SPMAP2L: variants seen among roughly 807,000 people sequenced by gnomAD.
SPMAP2L encodes sperm microtubule associated protein 2 like.
the SPMAP2L span, among the ~76,000 whole-genome samples, chr4:56,535,497 C>CT: frequency 2.6e-5 from 4 of 152,146 alleles, no homozygotes; most frequent in Admixed American, 2.0e-4. Context: ...GTACCCCCTG[C>CT]TTGCTCAATC....
the SPMAP2L span, among the ~76,000 whole-genome samples, chr4:56,563,705 C>A: frequency 2.6e-5 from 4 of 152,192 alleles, no homozygotes; most frequent in South Asian, 8.3e-4. Context: ...GTAAAGTTAG[C>A]CACACACTCT....
chr4:56,581,817 G>T, the SPMAP2L span, among the ~76,000 whole-genome samples: 2 of 152,142 alleles, frequency 1.3e-5, no homozygotes, highest in Non-Finnish European at 2.9e-5. Context: ...CAGGCACAAG[G>T]ATAGACATTT....
At chr4:56,597,536 A>G in the SPMAP2L span, among the ~76,000 whole-genome samples, 2 of 152,188 alleles carry the variant, frequency 1.3e-5, no homozygotes, top group East Asian at 3.9e-4. Flanking sequence ...ATGGAATTCT[A>G]TTAGGAAAGA....
At chr4:56,572,539 G>C in the SPMAP2L span, among the ~76,000 whole-genome samples, 1 of 152,134 alleles carries the variant, frequency 6.6e-6, no homozygotes, top group African/African-American at 2.4e-5. Context: ...CGTATTTTTT[G>C]AGTGTATAAA....
chr4:56,618,678 C>A, the SPMAP2L span, among the ~76,000 whole-genome samples: 2 of 152,290 alleles, frequency 1.3e-5, no homozygotes, highest in South Asian at 4.1e-4. Context: ...TCCCACCACA[C>A]AGGGGGATTA....
the SPMAP2L span, among the ~76,000 whole-genome samples, chr4:56,600,193 C>T: frequency 2.7e-5 from 4 of 147,516 alleles, no homozygotes; most frequent in African/African-American, 7.6e-5. Flanking sequence ...GATCTGCTCA[C>T]CTCAGCCTCC....
At chr4:56,571,962 T>G in the SPMAP2L span, among the ~76,000 whole-genome samples, 1 of 152,198 alleles carries the variant, frequency 6.6e-6, no homozygotes, top group Admixed American at 6.5e-5. Flanking sequence ...AAAACATGCA[T>G]GGAGCTGTCA....
the SPMAP2L span, among the ~76,000 whole-genome samples, chr4:56,566,695 C>CTTTTTTTTTTTTTTTTTTTTTT: frequency 2.2e-5 from 2 of 92,448 alleles, no homozygotes; most frequent in East Asian, 2.9e-4. Context: ...TTTTCTTTTT[C>CTTTTTTTTTTTTTTTTTTTTTT]TTTTTTTTTT....
the SPMAP2L span, among the ~76,000 whole-genome samples, chr4:56,610,269 A>G: frequency 1.4e-5 from 2 of 146,384 alleles, no homozygotes; most frequent in Non-Finnish European, 3.0e-5. Flanking sequence ...AATGGAACAG[A>G]TAGAGAACCC....
the SPMAP2L span, among the ~76,000 whole-genome samples, chr4:56,605,420 T>G: frequency 6.6e-6 from 1 of 152,176 alleles, no homozygotes; most frequent in African/African-American, 2.4e-5. Flanking sequence ...TAGCAAGTAC[T>G]ATGAAATAGT....
chr4:56,533,783 C>CAAAA, the SPMAP2L span, among the ~76,000 whole-genome samples: 4 of 136,164 alleles, frequency 2.9e-5, no homozygotes, highest in African/African-American at 1.1e-4. Context: ...CTCCTTTCTA[C>CAAAA]AAAAAAAAAA....
the SPMAP2L span, among the ~76,000 whole-genome samples, chr4:56,607,326 T>C: frequency 6.6e-6 from 1 of 152,186 alleles, no homozygotes; most frequent in Non-Finnish European, 1.5e-5. Flanking sequence ...AACAAGCCCT[T>C]ACCAGATACC....
the SPMAP2L span, chr4:56,596,414 A>G: frequency 7.4e-7 from 1 of 1,359,466 alleles, no homozygotes; most frequent in Non-Finnish European, 9.5e-7. Context: ...AGTCTGGCCC[A>G]GAGGTCAAAT....
chr4:56,605,591 C>T, the SPMAP2L span, among the ~76,000 whole-genome samples: 3 of 152,124 alleles, frequency 2.0e-5, no homozygotes, highest in Non-Finnish European at 4.4e-5. Context: ...TTTAAATCAC[C>T]TAGCCTTGCT....
chr4:56,547,855 G>T, the SPMAP2L span, among the ~76,000 whole-genome samples: 1 of 152,082 alleles, frequency 6.6e-6, no homozygotes, highest in African/African-American at 2.4e-5. Flanking sequence ...AAAAAACCCA[G>T]CTTATAAACG....
the SPMAP2L span, among the ~76,000 whole-genome samples, chr4:56,545,614 G>A: frequency 1.3e-5 from 2 of 151,480 alleles, no homozygotes; most frequent in African/African-American, 2.4e-5. Flanking sequence ...CCAGCTACTC[G>A]GGAGACTGAG....
At chr4:56,601,212 A>C in the SPMAP2L span, 4 of 1,171,432 alleles carry the variant, frequency 3.4e-6, no homozygotes, top group African/African-American at 6.2e-5. Context: ...TAGAAATATG[A>C]AAAGAACTTC....
chr4:56,622,338 A>G, the SPMAP2L span, among the ~76,000 whole-genome samples: 1 of 152,254 alleles, frequency 6.6e-6, no homozygotes, highest in South Asian at 2.1e-4. Flanking sequence ...TAAGAACTAA[A>G]TGAGAGCAAT....
At chr4:56,593,505 T>A in the SPMAP2L span, 15 of 1,600,818 alleles carry the variant, frequency 9.4e-6, no homozygotes, top group Non-Finnish European at 1.3e-5. Flanking sequence ...AGAGAGCTCA[T>A]CAGAGTGGGA....
Sources: gnomAD v4.1 joint callset for allele counts (sites outside exome capture counted in the v4.1 genomes callset) on GRCh38, gnomAD v4.1.1 for gene constraint, MANE v1.5 for transcripts, NCBI Gene and HGNC (gene_info 2026-07-23, HGNC 2026-07-21) for gene names.